Variants in GRID2 observed in about 807,000 individuals in gnomAD.
GRID2 encodes the protein glutamate ionotropic receptor delta type subunit 2.
A neutral mutation model predicts 114.8 loss-of-function variants in GRID2; 33 were observed. The ratio of observed to expected loss-of-function variants is 0.29; its 90% CI spans 0.22 to 0.38. The LOEUF (loss-of-function observed/expected upper bound fraction) is 0.38, where lower values mean the gene tolerates loss of function less well. Among genes scored for constraint, GRID2 ranks in the 10% least tolerant of loss-of-function variants. GRID2 has a pLI of 1.00. For missense variants in GRID2, 1,184 were observed against 1,257.7 expected (o/e 0.94, Z 0.89); for synonymous variants, 505 against 449.9 (o/e 1.12, Z -1.55).
chr4:92,768,345 TC>T (rs1174483754), intron 2 of GRID2, among the ~76,000 whole-genome samples: 7 of 152,318 alleles, frequency 4.6e-5, no homozygotes, highest in Non-Finnish European at 7.4e-5. Context: ...TGCCATCCAA[TC>T]CGGGCTGGTA....
At chr4:93,449,224 G>C (rs534503742) in intron 10 of GRID2, among the ~76,000 whole-genome samples, 24 of 152,046 alleles carry the variant, frequency 1.6e-4, no homozygotes, top group African/African-American at 5.3e-4. Context: ...ATAGGCAGAA[G>C]TAGACCTAGT....
chr4:93,371,741 CTTTTT>C (rs1205096650), intron 8 of GRID2, among the ~76,000 whole-genome samples: 2 of 89,798 alleles, frequency 2.2e-5, no homozygotes, highest in Admixed American at 1.3e-4. Flanking sequence ...ATCACTATTT[CTTTTT>C]TTTTTTTTTT....
At chr4:92,666,800 TA>T (rs1732811276) in intron 2 of GRID2, among the ~76,000 whole-genome samples, 2 of 151,186 alleles carry the variant, frequency 1.3e-5, no homozygotes, top group Admixed American at 1.3e-4. Flanking sequence ...AAGAAAAAAT[TA>T]AGATTAAAAA....
intron 2 of GRID2, among the ~76,000 whole-genome samples, chr4:93,038,683 C>T (rs528013680): frequency 3.3e-5 from 5 of 151,748 alleles, no homozygotes; most frequent in Non-Finnish European, 7.4e-5. Context: ...CCCAGCTACT[C>T]GGGAGGCTGA....
intron 6 of GRID2, among the ~76,000 whole-genome samples, chr4:93,219,343 T>A (rs1744613954): frequency 6.6e-6 from 1 of 152,196 alleles, no homozygotes; most frequent in Non-Finnish European, 1.5e-5. Flanking sequence ...AGGACTTCAA[T>A]ATCTGTGAAC....
intron 2 of GRID2, among the ~76,000 whole-genome samples, chr4:93,044,256 G>T (rs1417963715): frequency 6.6e-6 from 1 of 152,044 alleles, no homozygotes; most frequent in Non-Finnish European, 1.5e-5. Flanking sequence ...CAATCTTCAA[G>T]AACAGAAACT....
chr4:93,018,954 A>G (rs1723023816), intron 2 of GRID2, among the ~76,000 whole-genome samples: 1 of 152,136 alleles, frequency 6.6e-6, no homozygotes, highest in South Asian at 2.1e-4. Flanking sequence ...CTTCCCTTAA[A>G]TACCAGTCCT....
Position 92,968,709 on chromosome 4 carries a change from G to A in GRID2, c.245-116286G>A, listed in dbSNP as rs185749185. ...ACAGTTTTTCTTTTTTTACTGCAAA[G>A]GAACTTCATGCCCATTAATAGTCAC... On this transcript the variant is annotated intron_variant, in intron 2 of 15. Transcript: ENST00000282020. 1.7e-3 allele frequency among the ~76,000 whole-genome samples: 253 copies of A among 151,832 alleles called. 1 individual carries two copies. The highest frequency in any genetic ancestry group is 6.0e-3 in the African/African-American group (248 of 41,482).
intron 2 of GRID2, among the ~76,000 whole-genome samples, chr4:93,006,781 C>T (rs1721579755): frequency 6.6e-6 from 1 of 150,876 alleles, no homozygotes; most frequent in Non-Finnish European, 1.5e-5. Flanking sequence ...AACCTTAGTA[C>T]CTCAAAATGA....
At chr4:92,921,757 A>G (rs1346722886) in intron 2 of GRID2, among the ~76,000 whole-genome samples, 2 of 152,096 alleles carry the variant, frequency 1.3e-5, no homozygotes, top group East Asian at 3.9e-4. Context: ...GTCTGCCCCT[A>G]CTGGGGAATG....
At chr4:92,679,275 G>A (rs1389447117) in intron 2 of GRID2, among the ~76,000 whole-genome samples, 1 of 151,848 alleles carries the variant, frequency 6.6e-6, no homozygotes, top group Non-Finnish European at 1.5e-5. Flanking sequence ...TTTAATCTGT[G>A]CACAGAGAAC....
chr4:93,108,978 T>G (rs1366891943), intron 3 of GRID2, among the ~76,000 whole-genome samples: 3 of 152,116 alleles, frequency 2.0e-5, no homozygotes, highest in Admixed American at 1.3e-4. Flanking sequence ...GGCCCAAGCT[T>G]GTGTATTTTT....
intron 14 of GRID2, among the ~76,000 whole-genome samples, chr4:93,764,519 C>T (rs996001408): frequency 3.9e-5 from 6 of 152,046 alleles, no homozygotes; most frequent in Non-Finnish European, 7.4e-5. Context: ...CTTCCGCGTG[C>T]CAGGTAATGA....
intron 3 of GRID2, among the ~76,000 whole-genome samples, chr4:93,096,791 C>G (rs890292825): frequency 6.6e-6 from 1 of 151,888 alleles, no homozygotes; most frequent in African/African-American, 2.4e-5. Flanking sequence ...TATCTACTTA[C>G]CTTGTATACC....
intron 1 of GRID2, among the ~76,000 whole-genome samples, chr4:92,456,801 T>A (rs1721238575): frequency 6.6e-6 from 1 of 152,158 alleles, no homozygotes; most frequent in Admixed American, 6.5e-5. Context: ...CATGCTATGA[T>A]AACAACTTAA....
At chr4:93,428,858 A>G (rs1237929256) in intron 10 of GRID2, among the ~76,000 whole-genome samples, 2 of 152,174 alleles carry the variant, frequency 1.3e-5, no homozygotes, top group Non-Finnish European at 2.9e-5. Flanking sequence ...CCATTCCTAA[A>G]ATTTTGAAAA....
intron 2 of GRID2, among the ~76,000 whole-genome samples, chr4:92,746,079 T>A (rs561868800): frequency 1.3e-5 from 2 of 152,266 alleles, no homozygotes; most frequent in South Asian, 2.1e-4. Context: ...CCTGTAGATC[T>A]AGTGTTTAGG....
chr4:93,774,371 AG>A lies in GRID2; in HGVS notation c.*1874del, dbSNP rs1219131821. ...ACAACAAGCTATATAGGGACATACC[AG>A]ATGTTGCAGTGATTTTAGCTATCAA... On this transcript the variant is annotated 3_prime_UTR_variant, in exon 16 of 16. Coordinates refer to ENST00000282020, the MANE Select transcript of GRID2 (RefSeq NM_001510.4). 1.3e-5 allele frequency: 2 copies of A among 152,136 alleles called. No homozygotes were observed. The highest frequency in any genetic ancestry group is 2.9e-5 in the Non-Finnish European group (2 of 67,976). 9.4% of individuals were successfully genotyped at this position (152,136 alleles called of 1,614,324 possible). A position where few individuals can be genotyped will look rare whatever the true frequency, so the allele number is the denominator to read the frequency against.
At chr4:93,648,378 C>G (rs1282522504) in intron 14 of GRID2, among the ~76,000 whole-genome samples, 1 of 151,984 alleles carries the variant, frequency 6.6e-6, no homozygotes, top group South Asian at 2.1e-4. Context: ...CCCCTAAGGA[C>G]TGATATTAAA....
Sources: allele counts gnomAD v4.1 joint callset (sites outside exome capture counted in the v4.1 genomes callset), GRCh38; gene constraint gnomAD v4.1.1; transcripts MANE v1.5; gene names NCBI Gene and HGNC (gene_info 2026-07-23, HGNC 2026-07-21).